CTNNA2: variants seen among roughly 807,000 people sequenced by gnomAD.
CTNNA2 encodes the protein catenin alpha-2.
CTNNA2 carries 42 observed loss-of-function variants against 101.0 expected under a neutral mutation model. The ratio of observed to expected loss-of-function variants is 0.42; its 90% confidence interval spans 0.32 to 0.54. CTNNA2 has a LOEUF of 0.54. CTNNA2 is among the 20% of genes least tolerant of loss of function. CTNNA2 has a pLI of 0.14. For missense variants in CTNNA2, 871 were observed against 1,223.1 expected, an observed-to-expected ratio of 0.71 and a Z score of 4.29; for synonymous variants, 450 against 456.4, an observed-to-expected ratio of 0.99 and a Z score of 0.18.
intron 3 of CTNNA2, among the ~76,000 whole-genome samples, chr2:79,851,568 G>A (rs558768036): frequency 1.2e-4 from 18 of 152,054 alleles, no homozygotes; most frequent in Middle Eastern, 6.8e-3. Flanking sequence ...TACAAGATCC[G>A]TTTTTCAGAA....
At chr2:80,060,340 G>A (rs1433922890) in intron 7 of CTNNA2, among the ~76,000 whole-genome samples, 2 of 152,180 alleles carry the variant, frequency 1.3e-5, no homozygotes, top group African/African-American at 4.8e-5. Flanking sequence ...CCTGCAAATT[G>A]TGGCTGAGGT....
chr2:80,190,208 C>A (rs574187493), intron 7 of CTNNA2, among the ~76,000 whole-genome samples: 1 of 151,858 alleles, frequency 6.6e-6, no homozygotes. Flanking sequence ...CCAGAGCCAG[C>A]AAATGTGACA....
chr2:79,571,475 T>C (rs1386599823), intron 1 of CTNNA2, among the ~76,000 whole-genome samples: 1 of 152,184 alleles, frequency 6.6e-6, no homozygotes, highest in Non-Finnish European at 1.5e-5. Flanking sequence ...TCCTGCTATT[T>C]TCTTTGTTCC....
At chr2:80,365,021 G>A (rs191127233) in intron 7 of CTNNA2, among the ~76,000 whole-genome samples, 208 of 152,184 alleles carry the variant, frequency 1.4e-3, no homozygotes, top group Middle Eastern at 3.4e-3. Flanking sequence ...GTCATCTGTG[G>A]GGTTTGGCCT....
At chr2:79,773,571 G>T (rs1673745282) in intron 3 of CTNNA2, among the ~76,000 whole-genome samples, 2 of 152,076 alleles carry the variant, frequency 1.3e-5, no homozygotes, top group South Asian at 4.2e-4. Flanking sequence ...GTAAGCAGAG[G>T]GGATGACTTT....
chr2:79,559,865 C>T (rs1674668005), intron 1 of CTNNA2, among the ~76,000 whole-genome samples: 1 of 151,542 alleles, frequency 6.6e-6, no homozygotes, highest in South Asian at 2.1e-4. Context: ...ATGTGCCAGG[C>T]TAGTGATAAT....
At chr2:80,529,603 G>A (rs1690349347) in intron 9 of CTNNA2, among the ~76,000 whole-genome samples, 1 of 152,130 alleles carries the variant, frequency 6.6e-6, no homozygotes, top group Non-Finnish European at 1.5e-5. Context: ...CAATGAGTAT[G>A]CTTGCTAAAC....
At chr2:79,808,720 G>C (rs924614403) in intron 3 of CTNNA2, among the ~76,000 whole-genome samples, 2 of 151,614 alleles carry the variant, frequency 1.3e-5, no homozygotes, top group African/African-American at 4.9e-5. Context: ...AATTTATTTT[G>C]AGCTAATTTT....
intron 7 of CTNNA2, among the ~76,000 whole-genome samples, chr2:80,054,027 G>A (rs1006490882): frequency 6.6e-6 from 1 of 152,190 alleles, no homozygotes; most frequent in Admixed American, 6.5e-5. Context: ...GAACCATACA[G>A]TGGGCAAACA....
intron 7 of CTNNA2, among the ~76,000 whole-genome samples, chr2:80,203,558 G>T (rs1472428594): frequency 6.6e-6 from 1 of 152,238 alleles, no homozygotes; most frequent in Non-Finnish European, 1.5e-5. Flanking sequence ...TCATGCTGAT[G>T]CAAGTGGTAG....
intron 3 of CTNNA2, among the ~76,000 whole-genome samples, chr2:79,761,426 T>C (rs986608666): frequency 5.3e-5 from 8 of 152,250 alleles, no homozygotes; most frequent in Admixed American, 3.3e-4. Context: ...ATGCATATTA[T>C]TGAAATATTT....
At position 79,820,478 on chromosome 2, in the gene CTNNA2, A is replaced by G. The variant is rs76588640; in HGVS notation, c.299-37535A>G. ...GATTTCCAAGTTGGCTGAAATCCTT[A>G]TCTTCGGAATGTCTTTCGATTTACT... On this transcript the variant is annotated intron_variant, in intron 3 of 18. Transcript: ENST00000402739. Among the ~76,000 whole-genome samples, 60 of 152,336 alleles carry G rather than the reference A, an allele frequency of 3.9e-4. 1 individual carries two copies. In the East Asian group the frequency reaches 0.012, roughly 29 times the overall value.
chr2:80,018,036 G>A (rs1009773943), intron 7 of CTNNA2, among the ~76,000 whole-genome samples: 1 of 152,110 alleles, frequency 6.6e-6, no homozygotes. Flanking sequence ...AATTGTTAGT[G>A]TTTAGGAAAG....
intron 3 of CTNNA2, among the ~76,000 whole-genome samples, chr2:79,797,047 T>C (rs1675769749): frequency 6.6e-6 from 1 of 152,212 alleles, no homozygotes; most frequent in Non-Finnish European, 1.5e-5. Context: ...GGTCATTACA[T>C]TATGTCTTTA....
intron 7 of CTNNA2, among the ~76,000 whole-genome samples, chr2:80,280,781 T>C (rs1283026874): frequency 1.3e-5 from 2 of 152,090 alleles, no homozygotes; most frequent in Non-Finnish European, 2.9e-5. Context: ...GTCTGAGACA[T>C]AAATTACCCT....
chr2:80,495,313 A>C (rs1363458906), intron 9 of CTNNA2, among the ~76,000 whole-genome samples: 2 of 152,166 alleles, frequency 1.3e-5, no homozygotes, highest in African/African-American at 2.4e-5. Flanking sequence ...CTGTGCCTTG[A>C]GAATCTACCT....
At chr2:79,255,571 G>A (rs1674834261) in intron 2 of CTNNA2, among the ~76,000 whole-genome samples, 1 of 152,142 alleles carries the variant, frequency 6.6e-6, no homozygotes, top group African/African-American at 2.4e-5. Context: ...CGTAGCTGGA[G>A]AGGTGGTCGT....
chr2:80,601,004 C>T (rs1049587090), intron 15 of CTNNA2, among the ~76,000 whole-genome samples: 6 of 152,142 alleles, frequency 3.9e-5, no homozygotes, highest in East Asian at 1.9e-4. Context: ...GATCTGATGA[C>T]GGTCTACAGG....
In CTNNA2 at chr2:80,186,987, A is replaced by G. The variant is rs150629156; in HGVS notation, c.1057-206224A>G. Reference sequence around the variant, plus strand: ...TAGAACTTACACTGGATAGCATATTAAACACCTTGGTGAATTATGGTGCTT... The same window carrying G: ...TAGAACTTACACTGGATAGCATATTGAACACCTTGGTGAATTATGGTGCTT... On this transcript the variant is annotated intron_variant, in intron 7 of 18. Transcript: ENST00000402739. 1.6e-3 allele frequency among the ~76,000 whole-genome samples: 239 copies of G among 152,348 alleles called. 1 individual carries two copies. The highest frequency in any genetic ancestry group is 5.4e-3 in the African/African-American group (224 of 41,592).
Sources: allele counts gnomAD v4.1 joint callset (sites outside exome capture counted in the v4.1 genomes callset), GRCh38; gene constraint gnomAD v4.1.1; transcripts MANE v1.5; gene names NCBI Gene and HGNC (gene_info 2026-07-23, HGNC 2026-07-21).